The following CNNM2 variants were observed in gnomAD, a reference collection of about 807,000 sequenced individuals.
The protein encoded by CNNM2 is cyclin and CBS domain divalent metal cation transport mediator 2.
In CNNM2, 12 loss-of-function variants were observed where a neutral mutation model predicts 66.9. That is an observed-to-expected ratio of 0.18 (90% CI 0.11 to 0.29). CNNM2 has a LOEUF of 0.29. Among genes scored for constraint, CNNM2 ranks in the 10% least tolerant of loss-of-function variants. The pLI is 1.00. For missense variants in CNNM2, 705 were observed against 1,167.7 expected, an observed-to-expected ratio of 0.60 and a Z score of 5.77; for synonymous variants, 557 against 501.8, an observed-to-expected ratio of 1.11 and a Z score of -1.47.
At chr10:102,983,592 C>T (rs773009706) in intron 1 of CNNM2, among the ~76,000 whole-genome samples, 65 of 151,970 alleles carry the variant, frequency 4.3e-4, no homozygotes, top group African/African-American at 1.5e-3. Context: ...GTGCACACCA[C>T]GATGCTCGGC....
chr10:103,053,515 TAAGAA>T (rs766907556), intron 2 of CNNM2, among the ~76,000 whole-genome samples: 34 of 152,306 alleles, frequency 2.2e-4, no homozygotes, highest in South Asian at 1.2e-3. Flanking sequence ...GAGCCTGTCT[TAAGAA>T]AAGAAAAGAA....
At position 103,084,462 on chromosome 10, in the gene CNNM2, A is replaced by C. The variant is rs954581659; in HGVS notation, c.*7282A>C. On this transcript the variant is annotated 3_prime_UTR_variant, in exon 8 of 8. Transcript: ENST00000369878. ...TTCGAACCCTGCTTGCTTTCATTAGAAGCAGGGCAGAAAGTGGCAGCAGAG... is the reference window on the plus strand; with the variant it reads ...TTCGAACCCTGCTTGCTTTCATTAGCAGCAGGGCAGAAAGTGGCAGCAGAG... 6.6e-6 allele frequency: 1 copy of C among 152,180 alleles called. No homozygotes were observed. The highest frequency in any genetic ancestry group is 1.9e-4 in the East Asian group (1 of 5,198). The allele number at this position is 152,180 out of a possible 1,614,324, so 9.4% of individuals were successfully genotyped here. A position where few individuals can be genotyped will look rare whatever the true frequency, so the allele number is the denominator to read the frequency against.
chr10:102,956,093 C>T (rs1847023579), intron 1 of CNNM2, among the ~76,000 whole-genome samples: 1 of 152,158 alleles, frequency 6.6e-6, no homozygotes, highest in Non-Finnish European at 1.5e-5. Flanking sequence ...CGAGACCATC[C>T]TGGCTAACAC....
At chr10:103,043,559 A>T (rs1331147874) in intron 1 of CNNM2, among the ~76,000 whole-genome samples, 2 of 152,236 alleles carry the variant, frequency 1.3e-5, no homozygotes, top group Non-Finnish European at 2.9e-5. Context: ...AAATGTGGTA[A>T]TCCACTACCA....
In CNNM2 at chr10:103,032,661, C is replaced by CTT. The variant is rs11300982; in HGVS notation, c.1622-17026_1622-17025dup. On this transcript the variant is annotated intron_variant, in intron 1 of 7. Transcript: ENST00000369878. ...GCCTTTCATAACAATTGATGTAGCT[C>CTT]TTTTTTTTTTTTTTTTTTTTTAAAT... Among the ~76,000 whole-genome samples, 13 of 120,562 alleles carry CTT rather than the reference C, an allele frequency of 1.1e-4. No individual in the cohort carries two copies. In the East Asian group the frequency reaches 1.2e-3, roughly 11 times the overall value. 79.1% of individuals were successfully genotyped at this position (120,562 alleles called of 152,430 possible).
intron 1 of CNNM2, among the ~76,000 whole-genome samples, chr10:103,002,809 A>G (rs2064148063): frequency 6.6e-6 from 1 of 152,044 alleles, no homozygotes; most frequent in African/African-American, 2.4e-5. Context: ...GGTGGAGGTA[A>G]TGTGGAATGG....
intron 4 of CNNM2, among the ~76,000 whole-genome samples, chr10:103,067,282 G>A (rs1056823216): frequency 1.3e-4 from 20 of 151,988 alleles, no homozygotes; most frequent in Non-Finnish European, 2.4e-4. Flanking sequence ...TGCCCAGGCT[G>A]ATCTTGAACT....
chr10:102,982,216 C>T (rs1484966575), intron 1 of CNNM2, among the ~76,000 whole-genome samples: 1 of 152,152 alleles, frequency 6.6e-6, no homozygotes, highest in Non-Finnish European at 1.5e-5. Context: ...CTTTAAATCT[C>T]ACTATTAGCA....
rs1219127810 is a variant in CNNM2 at position 102,919,867 on chromosome 10, G to T, written c.1387G>T (p.Ala463Ser). The T allele has an allele frequency of 1.2e-6, 2 of 1,614,220 alleles. No homozygotes were observed. The highest frequency in any genetic ancestry group is 2.2e-5 in the East Asian group (1 of 44,886). The change falls in exon 1 of 8, where the codon GCC becomes TCC. Residue 463 changes from alanine (A) to serine (S), a missense_variant. Ala to Ser is a moderately conservative substitution (Grantham distance 99). Coordinates refer to ENST00000369878, the MANE Select transcript of CNNM2 (RefSeq NM_017649.5). ...LRDCFMITGEAILDFNTMSEI... is the reference protein window; with the variant it reads ...LRDCFMITGESILDFNTMSEI... The stretch of plus-strand genomic sequence containing the variant: ...GGACTGCTTCATGATCACCGGCGAA[G>T]CCATCCTGGACTTCAACACCATGTC...
intron 6 of CNNM2, among the ~76,000 whole-genome samples, chr10:103,073,044 G>T (rs560520880): frequency 6.6e-6 from 1 of 152,362 alleles, no homozygotes; most frequent in African/African-American, 2.4e-5. Context: ...GGCACTTGAG[G>T]CTCTGAGCAG....
intron 1 of CNNM2, among the ~76,000 whole-genome samples, chr10:102,952,752 C>T (rs1846888184): frequency 6.6e-6 from 1 of 152,092 alleles, no homozygotes; most frequent in Admixed American, 6.6e-5. Flanking sequence ...ACCTAGTATT[C>T]CACCCCATCT....
intron 2 of CNNM2, 30 bp downstream of exon 2, chr10:103,049,880 G>A (rs140230835): frequency 6.9e-5 from 110 of 1,604,470 alleles, no homozygotes; most frequent in Non-Finnish European, 8.5e-5. Context: ...TGTATTTCCC[G>A]AAACCTTTGC....
At chr10:103,065,075 TG>T (rs1231884633) in intron 4 of CNNM2, among the ~76,000 whole-genome samples, 27 of 152,148 alleles carry the variant, frequency 1.8e-4, no homozygotes, top group African/African-American at 5.3e-4. Context: ...GGATCCTGTC[TG>T]GAAGGACAGA....
intron 1 of CNNM2, among the ~76,000 whole-genome samples, chr10:103,046,024 G>A (rs1415362519): frequency 2.0e-5 from 3 of 152,158 alleles, no homozygotes; most frequent in Non-Finnish European, 4.4e-5. Context: ...TAAGTTGATG[G>A]TGCCTTAGAA....
intron 1 of CNNM2, among the ~76,000 whole-genome samples, chr10:103,006,426 T>C (rs1244702360): frequency 1.3e-5 from 2 of 151,784 alleles, no homozygotes; most frequent in Non-Finnish European, 2.9e-5. Context: ...AGGCTGGTCT[T>C]GAATCCGGAC....
Position 102,994,422 on chromosome 10 carries a change from A to G in CNNM2, c.1622-55285A>G, listed in dbSNP as rs187210499. ...ATCAGATATTTATTGAGCATCTACC[A>G]TATGTTTAGTACTATTTTTGGGTTC... is the stretch of plus-strand genomic sequence containing the variant. On this transcript the variant is annotated intron_variant, in intron 1 of 7. Coordinates refer to ENST00000369878, the MANE Select transcript of CNNM2 (RefSeq NM_017649.5). Among the ~76,000 whole-genome samples, 213 of 152,366 alleles carry G rather than the reference A, an allele frequency of 1.4e-3. 1 individual carries two copies. The highest frequency in any genetic ancestry group is 4.6e-3 in the African/African-American group (192 of 41,590).
intron 1 of CNNM2, among the ~76,000 whole-genome samples, chr10:103,011,646 C>CTG (rs10624803): frequency 0.27 from 36,557 of 135,852 alleles, 4,700 homozygotes; most frequent in African/African-American, 0.31. Flanking sequence ...AATACTTGCA[C>CTG]TGTGTGTGTG....
intron 1 of CNNM2, among the ~76,000 whole-genome samples, chr10:102,965,437 C>T (rs1029140987): frequency 1.3e-5 from 2 of 152,122 alleles, no homozygotes; most frequent in Admixed American, 6.5e-5. Context: ...TCAGTTTTTC[C>T]CCGGCTGTCG....
chr10:102,955,505 A>G (rs1326514937), intron 1 of CNNM2, among the ~76,000 whole-genome samples: 2 of 152,240 alleles, frequency 1.3e-5, no homozygotes, highest in African/African-American at 4.8e-5. Context: ...AATGGCAACA[A>G]AAGCCAAAAC....
Sources: allele counts gnomAD v4.1 joint callset (sites outside exome capture counted in the v4.1 genomes callset), GRCh38; gene constraint gnomAD v4.1.1; transcripts MANE v1.5; gene names NCBI Gene and HGNC (gene_info 2026-07-23, HGNC 2026-07-21).